The following RBFOX1 variants were observed in gnomAD, a reference collection of about 807,000 sequenced individuals.
The protein encoded by RBFOX1 is RNA binding fox-1 homolog 1, also known as RNA binding protein fox-1 homolog 1.
RBFOX1 carries 8 observed loss-of-function variants against 57.7 expected under a neutral mutation model. The ratio of observed to expected loss-of-function variants is 0.14; its 90% confidence interval spans 0.08 to 0.25. RBFOX1 has a LOEUF of 0.25. Among genes scored for constraint, RBFOX1 ranks in the 10% least tolerant of loss-of-function variants. The pLI is 1.00. For synonymous variants in RBFOX1, 326 were observed against 222.4 expected (o/e 1.47, Z -4.15); for missense variants, 611 against 548.5 (o/e 1.11, Z -1.14).
intron 1 of RBFOX1, among the ~76,000 whole-genome samples, chr16:5,353,408 G>A (rs1480461341): frequency 2.0e-5 from 3 of 151,880 alleles, no homozygotes; most frequent in Non-Finnish European, 4.4e-5. Flanking sequence ...CTATGGAGGA[G>A]TTCCCCAGCC....
At chr16:6,868,051 T>C (rs749956838) in intron 3 of RBFOX1, among the ~76,000 whole-genome samples, 4 of 152,210 alleles carry the variant, frequency 2.6e-5, no homozygotes, top group African/African-American at 4.8e-5. Flanking sequence ...ATAGGTATTA[T>C]AGTAATGTTT....
chr16:7,203,027 C>G (rs76326280), intron 4 of RBFOX1, among the ~76,000 whole-genome samples: 1 of 152,002 alleles, frequency 6.6e-6, no homozygotes, highest in African/African-American at 2.4e-5. Flanking sequence ...ACCTCGTGAT[C>G]CGCCTGCCTC....
intron 3 of RBFOX1, among the ~76,000 whole-genome samples, chr16:5,865,415 GGGCCCCGGATTCATGGCTT>G (rs1288568485): frequency 2.0e-5 from 3 of 152,174 alleles, no homozygotes; most frequent in Non-Finnish European, 4.4e-5. Flanking sequence ...CCCCATGGCT[GGGCCCCGGATTCATGGCTT>G]GGCAAGCCTT....
intron 1 of RBFOX1, among the ~76,000 whole-genome samples, chr16:5,282,592 T>C (rs952193772): frequency 1.5e-5 from 2 of 135,164 alleles, no homozygotes; most frequent in Non-Finnish European, 3.3e-5. Flanking sequence ...AGGTGACTCC[T>C]ATTATGTTTT....
chr16:5,721,607 A>T (rs576804935), intron 3 of RBFOX1, among the ~76,000 whole-genome samples: 2 of 152,160 alleles, frequency 1.3e-5, no homozygotes, highest in Non-Finnish European at 2.9e-5. Context: ...GAGTGTTTTC[A>T]TAGATTCCCT....
chr16:6,930,095 T>A (rs1334489069), intron 3 of RBFOX1, among the ~76,000 whole-genome samples: 1 of 152,184 alleles, frequency 6.6e-6, no homozygotes, highest in Non-Finnish European at 1.5e-5. Context: ...TTACTCGGCC[T>A]GCTCTTGAAT....
intron 3 of RBFOX1, among the ~76,000 whole-genome samples, chr16:6,727,186 A>C (rs1325743844): frequency 6.6e-6 from 1 of 151,902 alleles, no homozygotes; most frequent in Non-Finnish European, 1.5e-5. Flanking sequence ...AGAAGAGGTG[A>C]GACTCACTAT....
chr16:6,362,725 G>T (rs1600120952), intron 2 of RBFOX1, among the ~76,000 whole-genome samples: 1 of 152,192 alleles, frequency 6.6e-6, no homozygotes. Context: ...TCCTGTTATT[G>T]ATGCCTGTGC....
At chr16:7,295,991 GT>G (rs2095879912) in intron 4 of RBFOX1, among the ~76,000 whole-genome samples, 1 of 152,114 alleles carries the variant, frequency 6.6e-6, no homozygotes, top group Non-Finnish European at 1.5e-5. Context: ...AGCCTAAAGA[GT>G]GTAACTATTA....
chr16:5,565,627 C>CATAAATAAATAAATAA (rs55680549), intron 2 of RBFOX1, among the ~76,000 whole-genome samples: 27 of 142,836 alleles, frequency 1.9e-4, no homozygotes, highest in African/African-American at 4.4e-4. Context: ...CTCTGCCTTA[C>CATAAATAAATAAATAA]ATAAATAAAT....
chr16:6,021,609 A>C lies in RBFOX1; in HGVS notation c.-127+1617A>C, dbSNP rs2152353635. Among the ~76,000 whole-genome samples, 2 of 152,220 alleles carry C rather than the reference A, an allele frequency of 1.3e-5. 1 individual carries two copies. The highest frequency in any genetic ancestry group is 4.1e-4 in the South Asian group (2 of 4,824). On this transcript the variant is annotated intron_variant, in intron 1 of 15. Coordinates refer to ENST00000550418, the MANE Select transcript of RBFOX1 (RefSeq NM_018723.4). The stretch of plus-strand genomic sequence containing the variant: ...TGGAAGAATCCCCTGGGCTTTCCTT[A>C]AGTTAGCTTATGGTTGCCTCGGGTT...
At chr16:5,557,278 T>C (rs561833300) in intron 2 of RBFOX1, among the ~76,000 whole-genome samples, 705 of 140,716 alleles carry the variant, frequency 5.0e-3, no homozygotes, top group Non-Finnish European at 8.2e-3. Context: ...AATAAATAAA[T>C]AAATAAATAA....
chr16:6,642,788 C>G (rs1344200319), intron 2 of RBFOX1, among the ~76,000 whole-genome samples: 2 of 152,080 alleles, frequency 1.3e-5, no homozygotes, highest in Non-Finnish European at 2.9e-5. Flanking sequence ...TATTTACTGT[C>G]AGAGAAAATA....
At chr16:5,374,722 T>G (rs1327843128) in intron 1 of RBFOX1, among the ~76,000 whole-genome samples, 1 of 151,826 alleles carries the variant, frequency 6.6e-6, no homozygotes, top group Non-Finnish European at 1.5e-5. Flanking sequence ...GTGTTTTTTT[T>G]TTTTTGAAGA....
At chr16:5,731,067 A>G (rs1186904084) in intron 3 of RBFOX1, among the ~76,000 whole-genome samples, 3 of 151,902 alleles carry the variant, frequency 2.0e-5, no homozygotes, top group African/African-American at 7.3e-5. Flanking sequence ...CACCAATGTA[A>G]GCACCATCAC....
At chr16:7,236,734 C>A (rs2093786597) in intron 4 of RBFOX1, among the ~76,000 whole-genome samples, 1 of 152,076 alleles carries the variant, frequency 6.6e-6, no homozygotes, top group Non-Finnish European at 1.5e-5. Context: ...CACGCACCAG[C>A]CTTCAGTGGC....
At chr16:6,479,249 A>G (rs1402343739) in intron 2 of RBFOX1, among the ~76,000 whole-genome samples, 1 of 152,216 alleles carries the variant, frequency 6.6e-6, no homozygotes, top group Non-Finnish European at 1.5e-5. Flanking sequence ...GGAAACTTTC[A>G]ATTATGGCGG....
intron 2 of RBFOX1, among the ~76,000 whole-genome samples, chr16:5,510,532 C>G (rs1167714319): frequency 6.6e-6 from 1 of 152,116 alleles, no homozygotes; most frequent in Non-Finnish European, 1.5e-5. Context: ...GTGGCTGAGT[C>G]CAGGCTCACC....
intron 2 of RBFOX1, among the ~76,000 whole-genome samples, chr16:6,344,602 T>G (rs982309454): frequency 6.6e-6 from 1 of 151,516 alleles, no homozygotes; most frequent in Non-Finnish European, 1.5e-5. Context: ...TTTCAGCGTG[T>G]TAGCCAGGAT....
Sources: gnomAD v4.1 joint callset for allele counts (sites outside exome capture counted in the v4.1 genomes callset) on GRCh38, gnomAD v4.1.1 for gene constraint, MANE v1.5 for transcripts, NCBI Gene and HGNC (gene_info 2026-07-23, HGNC 2026-07-21) for gene names.